The following CLEC16A variants were observed in gnomAD, a reference collection of about 807,000 sequenced individuals.
The protein encoded by CLEC16A is protein CLEC16A.
In CLEC16A, 51 loss-of-function variants were observed where a neutral mutation model predicts 109.5. The ratio of observed to expected loss-of-function variants is 0.47; its 90% confidence interval spans 0.37 to 0.59. CLEC16A has a LOEUF of 0.59. CLEC16A is among the 20% of genes least tolerant of loss of function. The pLI is 0.00. For synonymous variants in CLEC16A, 673 were observed against 564.2 expected (o/e 1.19, Z -2.73); for missense variants, 1,339 against 1,394.0 (o/e 0.96, Z 0.63).
At chr16:11,062,675 C>G (rs1392031754) in intron 19 of CLEC16A, among the ~76,000 whole-genome samples, 1 of 152,124 alleles carries the variant, frequency 6.6e-6, no homozygotes, top group Non-Finnish European at 1.5e-5. Context: ...TGTCTGGTTT[C>G]TTTTTCTGGC....
In CLEC16A at chr16:11,060,941, C is replaced by A; in HGVS notation, c.2035C>A (p.Gln679Lys). 1.9e-6 allele frequency: 3 copies of A among 1,612,680 alleles called. No homozygotes were observed. Among genetic ancestry groups the A allele is most frequent in the Non-Finnish European group, 2.5e-6 (3 of 1,179,438 alleles). The change falls in exon 19 of 24, where the codon CAA (glutamine) becomes AAA (lysine). Residue 679 changes from glutamine to lysine, a missense_variant. Gln to Lys is a moderately conservative substitution (Grantham distance 53). Around this residue, in one of 3 missense-constraint regions of CLEC16A, gnomAD observed 1,061 missense variants for 1,006.8 expected, o/e 1.05. Transcript: ENST00000409790. ...CTTCATGCTGCGTTCCCTGTCACTG[C>A]AATTGCGAGGGGAGCCTGAGACACA... Reference protein sequence around the residue: ...VFFMLRSLSLQLRGEPETQLP... With the variant: ...VFFMLRSLSLKLRGEPETQLP...
At chr16:11,058,889 T>C (rs79468674) in intron 18 of CLEC16A, among the ~76,000 whole-genome samples, 2 of 152,200 alleles carry the variant, frequency 1.3e-5, no homozygotes, top group African/African-American at 4.8e-5. Context: ...GACCTGGCTG[T>C]GATGGGCCGT....
chr16:11,018,503 A>G (rs752399984), intron 11 of CLEC16A, among the ~76,000 whole-genome samples: 48 of 152,126 alleles, frequency 3.2e-4, no homozygotes, highest in Non-Finnish European at 5.9e-4. Flanking sequence ...TAATCCCAGC[A>G]CTTTGGGAGG....
intron 23 of CLEC16A, among the ~76,000 whole-genome samples, chr16:11,168,188 C>G (rs1018687337): frequency 2.6e-5 from 4 of 152,204 alleles, no homozygotes; most frequent in Admixed American, 2.6e-4. Flanking sequence ...ACCCCTGAGG[C>G]TTCAACTCTG....
chr16:10,963,023 C>T (rs566105006), intron 3 of CLEC16A, among the ~76,000 whole-genome samples: 2 of 152,122 alleles, frequency 1.3e-5, no homozygotes, highest in East Asian at 1.9e-4. Flanking sequence ...TGCCACTGCA[C>T]TCCAGCCTGG....
chr16:11,120,253 G>A (rs1338270771), intron 19 of CLEC16A, among the ~76,000 whole-genome samples: 1 of 152,264 alleles, frequency 6.6e-6, no homozygotes, highest in African/African-American at 2.4e-5. Context: ...TTGCAGGCGT[G>A]AGCCACGGCA....
chr16:11,038,324 C>A (rs902711268), intron 13 of CLEC16A, among the ~76,000 whole-genome samples: 1 of 152,214 alleles, frequency 6.6e-6, no homozygotes, highest in Non-Finnish European at 1.5e-5. Flanking sequence ...GAAGTGCCAC[C>A]TTTCCCCCTT....
chr16:11,119,572 T>G (rs952529351), intron 19 of CLEC16A, among the ~76,000 whole-genome samples: 22 of 152,022 alleles, frequency 1.4e-4, no homozygotes, highest in African/African-American at 5.3e-4. Context: ...TTGCATTTTT[T>G]GTAGAGATGG....
At chr16:11,115,342 A>G (rs894473342) in intron 19 of CLEC16A, among the ~76,000 whole-genome samples, 2 of 152,208 alleles carry the variant, frequency 1.3e-5, no homozygotes, top group African/African-American at 4.8e-5. Flanking sequence ...GTATTTTTTA[A>G]AAGATTCCCA....
At chr16:11,066,327 A>C (rs2048754196) in intron 19 of CLEC16A, among the ~76,000 whole-genome samples, 1 of 151,964 alleles carries the variant, frequency 6.6e-6, no homozygotes, top group African/African-American at 2.4e-5. Flanking sequence ...ATTTTGTGAC[A>C]GTTTGCAGTG....
intron 19 of CLEC16A, among the ~76,000 whole-genome samples, chr16:11,070,249 T>C (rs2048996169): frequency 6.6e-6 from 1 of 152,148 alleles, no homozygotes; most frequent in Non-Finnish European, 1.5e-5. Flanking sequence ...TTTTTTGTAT[T>C]TTTAGTAGAG....
In CLEC16A at chr16:10,944,714, C is replaced by T; in HGVS notation, c.-4C>T. 1.2e-6 allele frequency: 2 copies of T among 1,604,538 alleles called. No individual in the cohort carries two copies. Among genetic ancestry groups the T allele is most frequent in the Non-Finnish European group, 8.5e-7 (1 of 1,176,396 alleles). ...GAGACGAGAGACGGGTCGGGGCCGC[C>T]GACATGTTTGGCCGCTCGCGGAGCT... On this transcript the variant is annotated 5_prime_UTR_variant, in exon 1 of 24. Transcript: ENST00000409790.
At chr16:11,077,289 G>C (rs1331665711) in intron 19 of CLEC16A, among the ~76,000 whole-genome samples, 1 of 151,978 alleles carries the variant, frequency 6.6e-6, no homozygotes, top group East Asian at 1.9e-4. Flanking sequence ...GATTGACATG[G>C]TGAAACCCTG....
At chr16:11,173,994 C>A (rs771803625) in intron 23 of CLEC16A, among the ~76,000 whole-genome samples, 5 of 152,192 alleles carry the variant, frequency 3.3e-5, no homozygotes, top group Non-Finnish European at 7.4e-5. Flanking sequence ...GGCCAGCGCC[C>A]CATGCACCGG....
intron 10 of CLEC16A, among the ~76,000 whole-genome samples, chr16:10,988,644 CT>C (rs2043813783): frequency 6.6e-6 from 1 of 152,170 alleles, no homozygotes; most frequent in Admixed American, 6.5e-5. Context: ...TTGCAGTGGG[CT>C]GCTTTTGGTG....
chr16:11,062,549 G>A (rs2048540074), intron 19 of CLEC16A, among the ~76,000 whole-genome samples: 1 of 152,198 alleles, frequency 6.6e-6, no homozygotes. Flanking sequence ...TGCCTACCGT[G>A]TAACTGTACT....
chr16:11,023,479 G>A (rs1292088678), intron 12 of CLEC16A, among the ~76,000 whole-genome samples: 1 of 152,174 alleles, frequency 6.6e-6, no homozygotes, highest in East Asian at 1.9e-4. Context: ...CATCTGAAAG[G>A]TGGTGCCCCA....
intron 22 of CLEC16A, among the ~76,000 whole-genome samples, chr16:11,156,889 T>C (rs2054546167): frequency 6.6e-6 from 1 of 150,592 alleles, no homozygotes; most frequent in African/African-American, 2.5e-5. Flanking sequence ...ATGCACGCAT[T>C]CCTCATATTC....
chr16:11,156,927 C>G (rs577378313), intron 22 of CLEC16A: 2 of 228,548 alleles, frequency 8.8e-6, no homozygotes, highest in Admixed American at 5.2e-5. Flanking sequence ...GCCCCCCCCC[C>G]CACCCACCCC....
Sources: allele counts gnomAD v4.1 joint callset (sites outside exome capture counted in the v4.1 genomes callset), GRCh38; gene constraint gnomAD v4.1.1; regional missense constraint gnomAD v4.1.1; transcripts MANE v1.5; gene names NCBI Gene and HGNC (gene_info 2026-07-23, HGNC 2026-07-21).